The following TMEM131L variants were observed in gnomAD, a reference collection of about 807,000 sequenced individuals.
The protein encoded by TMEM131L is transmembrane protein 131-like.
A neutral mutation model predicts 192.2 loss-of-function variants in TMEM131L; 54 were observed. That is an observed-to-expected ratio of 0.28 (90% CI 0.23 to 0.35). The LOEUF (loss-of-function observed/expected upper bound fraction) is 0.35, where lower values mean the gene tolerates loss of function less well. TMEM131L is among the 10% of genes least tolerant of loss of function. TMEM131L has a pLI of 1.00. For synonymous variants in TMEM131L, 701 were observed against 704.9 expected, an observed-to-expected ratio of 0.99 and a Z score of 0.09; for missense variants, 1,888 against 1,972.9, an observed-to-expected ratio of 0.96 and a Z score of 0.82.
At position 153,632,734 on chromosome 4, in the gene TMEM131L, A is replaced by G. The variant is rs1266598876; in HGVS notation, c.4224A>G (p.Gly1408=). 6.2e-7 allele frequency: 1 copy of G among 1,613,974 alleles called. No homozygotes were observed. The highest frequency in any genetic ancestry group is 1.3e-5 in the African/African-American group (1 of 74,888). ...CTTCCGTAGGTCTTTACTCACCTGG[A>G]GACCTGTGGCCCACTCCGCCAGTGT... is the stretch of plus-strand genomic sequence containing the variant. The part of the protein sequence containing the change: ...VEEDKGLYSP[G]DLWPTPPVCV... Residue 1408 remains glycine, a synonymous_variant, in exon 32 of 35, where the codon GGA becomes GGG. Transcript: ENST00000409959.
At chr4:153,523,753 A>G (rs1735278817) in intron 3 of TMEM131L, among the ~76,000 whole-genome samples, 1 of 152,164 alleles carries the variant, frequency 6.6e-6, no homozygotes, top group Non-Finnish European at 1.5e-5. Flanking sequence ...GTTAGTGTTA[A>G]AAGAAAATTA....
intron 3 of TMEM131L, among the ~76,000 whole-genome samples, chr4:153,526,561 C>T (rs745823289): frequency 5.9e-5 from 9 of 151,926 alleles, no homozygotes; most frequent in Non-Finnish European, 1.0e-4. Context: ...GGTGAAACCC[C>T]GTCTCTACTA....
Position 153,473,900 on chromosome 4 carries a change from A to C in TMEM131L, c.239+12A>C, listed in dbSNP as rs1360995138. 14 of 1,542,024 alleles carry C rather than the reference A, an allele frequency of 9.1e-6. No individual in the cohort carries two copies. The highest frequency in any genetic ancestry group is 1.2e-5 in the Non-Finnish European group (14 of 1,141,086). ...TCTCAAGAACAGAGGTAAGGAAAAA[A>C]TGGGGGTGGAAACCTGCATGCTGAA... On this transcript the variant is annotated intron_variant, in intron 3 of 34. Coordinates refer to ENST00000409959, the MANE Select transcript of TMEM131L (RefSeq NM_001131007.2).
At chr4:153,624,204 C>T (rs1257900351) in intron 29 of TMEM131L, among the ~76,000 whole-genome samples, 11 of 151,108 alleles carry the variant, frequency 7.3e-5, no homozygotes, top group African/African-American at 1.7e-4. Flanking sequence ...CTGCAACCTC[C>T]GCCTCTCGGT....
chr4:153,551,084 T>C (rs1384624343), intron 4 of TMEM131L, among the ~76,000 whole-genome samples: 1 of 152,172 alleles, frequency 6.6e-6, no homozygotes, highest in Non-Finnish European at 1.5e-5. Flanking sequence ...ATGCAGAATA[T>C]AGCGCATTGA....
At chr4:153,606,284 CT>C (rs1293992238) in intron 25 of TMEM131L, among the ~76,000 whole-genome samples, 7 of 152,310 alleles carry the variant, frequency 4.6e-5, no homozygotes, top group African/African-American at 1.4e-4. Context: ...CATAGGATGA[CT>C]TTGCACACAC....
At chr4:153,593,694 A>T in intron 18 of TMEM131L, 105 bp from the exon 19 acceptor site, 1 of 745,208 alleles carries the variant, frequency 1.3e-6, no homozygotes, top group South Asian at 1.5e-5. Flanking sequence ...GTGTGTGCAA[A>T]TGTACTCACC....
At chr4:153,493,608 C>T (rs934230724) in intron 3 of TMEM131L, among the ~76,000 whole-genome samples, 21 of 151,804 alleles carry the variant, frequency 1.4e-4, no homozygotes, top group Admixed American at 9.2e-4. Context: ...TGCAGTGAGC[C>T]GAGATCGCAC....
chr4:153,632,893 G>A, intron 32 of TMEM131L, 55 bp downstream of exon 32: 2 of 1,596,684 alleles, frequency 1.3e-6, no homozygotes, highest in Non-Finnish European at 1.7e-6. Flanking sequence ...CTTGCAGTTG[G>A]AATTTGAGTT....
Position 153,591,013 on chromosome 4 carries a change from C to A in TMEM131L, c.1671-40C>A, listed in dbSNP as rs769289595. 17 of 1,350,290 alleles carry A rather than the reference C, an allele frequency of 1.3e-5. No individual in the cohort carries two copies. In the African/African-American group the frequency reaches 2.3e-4, roughly 18 times the overall value. The allele number at this position is 1,350,290 out of a possible 1,614,324, so 83.6% of individuals were successfully genotyped here. ...TATTAAATATTAAATTTTTAAATAT[C>A]AAAATATTTTTCATAATAGTTTCTT... On this transcript the variant is annotated intron_variant, in intron 16 of 34. Transcript: ENST00000409959.
intron 17 of TMEM131L, 32 bp from the exon 18 acceptor site, chr4:153,592,443 C>T (rs761671523): frequency 2.7e-6 from 4 of 1,461,560 alleles, no homozygotes; most frequent in East Asian, 2.3e-5. Flanking sequence ...GTGTCCCTCT[C>T]GGGGTTTTAA....
intron 3 of TMEM131L, among the ~76,000 whole-genome samples, chr4:153,514,957 G>A (rs1007295877): frequency 3.3e-5 from 5 of 151,452 alleles, no homozygotes; most frequent in East Asian, 1.9e-4. Flanking sequence ...GATTATAGGC[G>A]CCTGCCACCA....
At chr4:153,616,266 G>T (rs1402838130) in intron 26 of TMEM131L, among the ~76,000 whole-genome samples, 5 of 152,182 alleles carry the variant, frequency 3.3e-5, no homozygotes, top group Non-Finnish European at 7.3e-5. Flanking sequence ...GCAGTGGTTT[G>T]TCATTTCTTT....
In TMEM131L at chr4:153,498,654, A is replaced by G. The variant is rs571657475; in HGVS notation, c.239+24766A>G. ...TTAGGGTTTATAGAGAGTGTGAACA[A>G]TGAGGAGTTGAGATCCTGTGGCCCT... is the stretch of plus-strand genomic sequence containing the variant. On this transcript the variant is annotated intron_variant, in intron 3 of 34. Transcript: ENST00000409959. Among the ~76,000 whole-genome samples, 87 of 152,290 alleles carry G rather than the reference A, an allele frequency of 5.7e-4. 1 individual carries two copies. The South Asian group carries it at 0.011, about 19-fold the overall frequency.
At chr4:153,545,433 G>A (rs554678946) in intron 3 of TMEM131L, among the ~76,000 whole-genome samples, 2 of 151,822 alleles carry the variant, frequency 1.3e-5, no homozygotes, top group Non-Finnish European at 2.9e-5. Context: ...GACTACAGGC[G>A]CCCGCCACCA....
At chr4:153,619,591 T>G (rs7674639) in intron 26 of TMEM131L, among the ~76,000 whole-genome samples, 3 of 152,142 alleles carry the variant, frequency 2.0e-5, no homozygotes, top group African/African-American at 7.2e-5. Context: ...AATCCCATTT[T>G]GCTTCTAGTT....
intron 26 of TMEM131L, among the ~76,000 whole-genome samples, chr4:153,617,500 T>C (rs1733062884): frequency 6.6e-6 from 1 of 152,348 alleles, no homozygotes; most frequent in East Asian, 1.9e-4. Flanking sequence ...TGCAAAATCT[T>C]AGTCAGTGTG....
chr4:153,537,651 G>A (rs112970305), intron 3 of TMEM131L, among the ~76,000 whole-genome samples: 2,827 of 152,208 alleles, frequency 0.019, 70 homozygotes, highest in African/African-American at 0.054. Flanking sequence ...GGTGGGTTTC[G>A]GCCGGCTTCT....
At chr4:153,470,316 C>T (rs1219725983) in intron 2 of TMEM131L, among the ~76,000 whole-genome samples, 2 of 152,154 alleles carry the variant, frequency 1.3e-5, no homozygotes, top group African/African-American at 2.4e-5. Flanking sequence ...TTTTAGTGGT[C>T]CCTGAGCTGA....
Sources: gnomAD v4.1 joint callset for allele counts (sites outside exome capture counted in the v4.1 genomes callset) on GRCh38, gnomAD v4.1.1 for gene constraint, MANE v1.5 for transcripts, NCBI Gene and HGNC (gene_info 2026-07-23, HGNC 2026-07-21) for gene names.